The following THSD7B variants were observed in gnomAD, a reference collection of about 807,000 sequenced individuals.
THSD7B encodes the protein thrombospondin type 1 domain containing 7B, also known as thrombospondin type-1 domain-containing protein 7B.
A neutral mutation model predicts 213.6 loss-of-function variants in THSD7B; 138 were observed. The observed-to-expected ratio is 0.65, with a 90% confidence interval of 0.56 to 0.74. THSD7B has a LOEUF of 0.74. Ranked by LOEUF, THSD7B falls within the 30% of genes least tolerant of loss-of-function variation. The pLI is 0.00. For missense variants in THSD7B, 1,931 were observed against 1,991.5 expected (o/e 0.97, Z 0.58); for synonymous variants, 742 against 687.0 (o/e 1.08, Z -1.25).
chr2:137,617,197 T>A (rs1351346713), intron 18 of THSD7B, among the ~76,000 whole-genome samples: 1 of 152,208 alleles, frequency 6.6e-6, no homozygotes, highest in East Asian at 1.9e-4. Context: ...TTTATAGTAC[T>A]GTTTCAGAAA....
In THSD7B at chr2:137,655,482, G is replaced by A. The variant is rs1201050225; in HGVS notation, c.3946-19G>A. On this transcript the variant is annotated intron_variant, in intron 21 of 27. Coordinates refer to ENST00000409968, the MANE Select transcript of THSD7B (RefSeq NM_001316349.2). ...GTGAATTATTTGGGTAATTGTGAAA[G>A]TATCCTTTCCTCTCATAGGGTGGAG... 1 of 1,597,888 alleles carries A rather than the reference G, an allele frequency of 6.3e-7. No homozygotes were observed. Among genetic ancestry groups the A allele is most frequent in the African/African-American group, 1.3e-5 (1 of 74,758 alleles).
In THSD7B at chr2:136,791,371, T is replaced by C. The variant is rs889497167; in HGVS notation, c.-36+25684T>C. ...AAAAAAAATTACAACTTTATTGAGA[T>C]GTAATTCGCATACCAAAGAGTTTAC... On this transcript the variant is annotated intron_variant, in intron 1 of 27. Coordinates refer to ENST00000409968, the MANE Select transcript of THSD7B (RefSeq NM_001316349.2). 3.3e-5 allele frequency among the ~76,000 whole-genome samples: 5 copies of C among 151,998 alleles called. 1 individual carries two copies. The highest frequency in any genetic ancestry group is 7.2e-5 in the African/African-American group (3 of 41,414).
In THSD7B at chr2:137,663,401, G is replaced by C; in HGVS notation, c.4477G>C (p.Glu1493Gln). 9 of 1,586,346 alleles carry C rather than the reference G, an allele frequency of 5.7e-6. No individual in the cohort carries two copies. Among genetic ancestry groups the C allele is most frequent in the Non-Finnish European group, 6.9e-6 (8 of 1,165,648 alleles). Residue 1493 changes from glutamate (E) to glutamine (Q), a missense_variant, in exon 26 of 28, where the codon GAG (glutamate) becomes CAG (glutamine). Physicochemically the swap from Glu to Gln is conservative, Grantham distance 29. Coordinates refer to ENST00000409968, the MANE Select transcript of THSD7B (RefSeq NM_001316349.2). ...YCTQGGVCGCEKGYTEIMKSN... is the reference protein window; with the variant it reads ...YCTQGGVCGCQKGYTEIMKSN... Reference sequence around the variant, plus strand: ...GCTGTAGGGTGGAGTCTGTGGTTGTGAGAAGGGCTATACAGAGATAATGAA... The same window carrying C: ...GCTGTAGGGTGGAGTCTGTGGTTGTCAGAAGGGCTATACAGAGATAATGAA...
chr2:137,537,541 G>A (rs1035819772), intron 15 of THSD7B, among the ~76,000 whole-genome samples: 1 of 151,682 alleles, frequency 6.6e-6, no homozygotes, highest in African/African-American at 2.4e-5. Flanking sequence ...TTGTGATGAT[G>A]ATGGGTTGTA....
intron 12 of THSD7B, among the ~76,000 whole-genome samples, chr2:137,312,353 T>G (rs1244507666): frequency 2.6e-5 from 4 of 151,558 alleles, no homozygotes; most frequent in East Asian, 3.9e-4. Flanking sequence ...GGTGGTGATA[T>G]CCCCTTTATC....
chr2:136,828,316 A>G (rs1682692954), intron 1 of THSD7B, among the ~76,000 whole-genome samples: 7 of 152,168 alleles, frequency 4.6e-5, no homozygotes, highest in South Asian at 4.1e-4. Flanking sequence ...CCCAGGAACT[A>G]TCATTGACAA....
intron 1 of THSD7B, among the ~76,000 whole-genome samples, chr2:136,780,460 T>C (rs1195922219): frequency 6.6e-6 from 1 of 152,224 alleles, no homozygotes; most frequent in Non-Finnish European, 1.5e-5. Flanking sequence ...ATAATAGCTC[T>C]GTGTGCGTGT....
At chr2:137,079,176 A>C (rs868498388) in intron 3 of THSD7B, among the ~76,000 whole-genome samples, 5 of 151,784 alleles carry the variant, frequency 3.3e-5, no homozygotes, top group African/African-American at 7.3e-5. Flanking sequence ...TGTAATTGCA[A>C]ATTTTCTATG....
intron 10 of THSD7B, among the ~76,000 whole-genome samples, chr2:137,254,239 A>G (rs17346940): frequency 0.1 from 15,748 of 152,256 alleles, 972 homozygotes; most frequent in Non-Finnish European, 0.14. Flanking sequence ...ATATCCAAAA[A>G]TAAGTATGCT....
At chr2:137,402,298 C>T (rs1686387263) in intron 12 of THSD7B, among the ~76,000 whole-genome samples, 1 of 152,054 alleles carries the variant, frequency 6.6e-6, no homozygotes, top group East Asian at 1.9e-4. Context: ...TGTGTGAATT[C>T]CACCCTACTC....
At chr2:136,861,143 G>T (rs970230517) in intron 1 of THSD7B, among the ~76,000 whole-genome samples, 11 of 152,182 alleles carry the variant, frequency 7.2e-5, no homozygotes, top group African/African-American at 2.7e-4. Context: ...TGGCAATTTG[G>T]GTAGCATGAG....
rs141563262 is a variant in THSD7B at position 136,805,998 on chromosome 2, G to A, written c.-36+40311G>A. The stretch of plus-strand genomic sequence containing the variant: ...TTAGAATATGCCATGTGTTTCTGCA[G>A]GGACCTTACACTGCTGTTGTCACTC... On this transcript the variant is annotated intron_variant, in intron 1 of 27. Coordinates refer to ENST00000409968, the MANE Select transcript of THSD7B (RefSeq NM_001316349.2). Among the ~76,000 whole-genome samples, 248 of 152,266 alleles carry A rather than the reference G, an allele frequency of 1.6e-3. 2 individuals are homozygous for A. Among genetic ancestry groups the A allele is most frequent in the African/African-American group, 5.7e-3 (235 of 41,540 alleles).
intron 7 of THSD7B, among the ~76,000 whole-genome samples, chr2:137,171,823 C>T (rs913853903): frequency 6.6e-6 from 1 of 152,218 alleles, no homozygotes; most frequent in South Asian, 2.1e-4. Flanking sequence ...CTCTCTCCCT[C>T]CCTCCCTCTC....
intron 3 of THSD7B, among the ~76,000 whole-genome samples, chr2:137,094,024 G>A (rs1297513336): frequency 2.0e-5 from 3 of 152,076 alleles, no homozygotes; most frequent in South Asian, 2.1e-4. Context: ...AAATATAATG[G>A]CACATTTTCA....
At chr2:137,631,494 T>C (rs565691762) in intron 20 of THSD7B, among the ~76,000 whole-genome samples, 8 of 152,318 alleles carry the variant, frequency 5.3e-5, no homozygotes, top group African/African-American at 1.9e-4. Context: ...GTTTCCCAGA[T>C]GGCATATAAT....
At chr2:136,876,072 A>G (rs1021100953) in intron 1 of THSD7B, among the ~76,000 whole-genome samples, 2 of 152,172 alleles carry the variant, frequency 1.3e-5, no homozygotes, top group Admixed American at 6.5e-5. Context: ...AGAATGGACA[A>G]AGTCATCTTG....
chr2:137,669,945 C>T (rs1465405068), intron 27 of THSD7B, among the ~76,000 whole-genome samples: 1 of 152,094 alleles, frequency 6.6e-6, no homozygotes, highest in African/African-American at 2.4e-5. Flanking sequence ...TAATTAGGTA[C>T]ATCATTGAAT....
intron 27 of THSD7B, among the ~76,000 whole-genome samples, chr2:137,670,878 G>A (rs191709315): frequency 0.016 from 2,140 of 137,184 alleles, 51 homozygotes; most frequent in African/African-American, 0.055. Flanking sequence ...CCAAGATTGC[G>A]CCACTGCACT....
intron 2 of THSD7B, among the ~76,000 whole-genome samples, chr2:136,943,500 C>A (rs1467793215): frequency 6.6e-6 from 1 of 152,184 alleles, no homozygotes; most frequent in Non-Finnish European, 1.5e-5. Context: ...AGCTGTGAAT[C>A]TGTCTGGTCC....
Sources: allele counts gnomAD v4.1 joint callset (sites outside exome capture counted in the v4.1 genomes callset), GRCh38; gene constraint gnomAD v4.1.1; transcripts MANE v1.5; gene names NCBI Gene and HGNC (gene_info 2026-07-23, HGNC 2026-07-21).